NPAS3: variants seen among roughly 807,000 people sequenced by gnomAD.
NPAS3 encodes neuronal PAS domain-containing protein 3.
A neutral mutation model predicts 73.1 loss-of-function variants in NPAS3; 14 were observed. That is an observed-to-expected ratio of 0.19 (90% CI 0.13 to 0.30). NPAS3 has a LOEUF of 0.30. NPAS3 is among the 10% of genes least tolerant of loss of function. The pLI is 1.00. For synonymous variants in NPAS3, 620 were observed against 541.5 expected (o/e 1.14, Z -2.01); for missense variants, 1,096 against 1,250.0 (o/e 0.88, Z 1.86).
At chr14:33,032,350 A>G (rs555844614) in intron 1 of NPAS3, among the ~76,000 whole-genome samples, 11 of 152,348 alleles carry the variant, frequency 7.2e-5, no homozygotes, top group South Asian at 4.1e-4. Flanking sequence ...GAGTAGGTAC[A>G]TGAGAAGACC....
intron 5 of NPAS3, among the ~76,000 whole-genome samples, chr14:33,567,181 C>T (rs752280222): frequency 7.2e-5 from 11 of 152,176 alleles, no homozygotes; most frequent in Admixed American, 5.2e-4. Context: ...CCTGGTGTGG[C>T]ACCCTGAAGC....
intron 3 of NPAS3, among the ~76,000 whole-genome samples, chr14:33,352,766 T>C (rs1308592854): frequency 6.6e-6 from 1 of 152,178 alleles, no homozygotes; most frequent in Non-Finnish European, 1.5e-5. Context: ...GAAGAAATTA[T>C]TTCTAAAAAA....
At chr14:32,970,713 G>C (rs1167299801) in intron 1 of NPAS3, among the ~76,000 whole-genome samples, 2 of 152,196 alleles carry the variant, frequency 1.3e-5, no homozygotes, top group Admixed American at 1.3e-4. Context: ...CTGGAGGTTT[G>C]CTGGCAATCT....
chr14:33,378,741 G>A (rs1293035575), intron 4 of NPAS3, among the ~76,000 whole-genome samples: 1 of 152,170 alleles, frequency 6.6e-6, no homozygotes, highest in Non-Finnish European at 1.5e-5. Flanking sequence ...AGTCAGAAAT[G>A]GGGGAGGAGA....
At chr14:33,580,625 T>G (rs1332435627) in intron 5 of NPAS3, among the ~76,000 whole-genome samples, 1 of 152,120 alleles carries the variant, frequency 6.6e-6, no homozygotes, top group Non-Finnish European at 1.5e-5. Flanking sequence ...CCTCATTTCT[T>G]TACAACTGAG....
chr14:33,561,440 T>C (rs73270904), intron 5 of NPAS3, among the ~76,000 whole-genome samples: 311 of 152,346 alleles, frequency 2.0e-3, no homozygotes, highest in African/African-American at 6.9e-3. Context: ...TTGAAGAACA[T>C]GCAAGCTCTC....
intron 2 of NPAS3, among the ~76,000 whole-genome samples, chr14:33,112,748 A>G (rs907155732): frequency 3.3e-5 from 5 of 152,166 alleles, no homozygotes; most frequent in Non-Finnish European, 7.4e-5. Context: ...GCCCATGCCT[A>G]TGTCCTGAAT....
chr14:33,076,106 A>C (rs1394405233), intron 2 of NPAS3, among the ~76,000 whole-genome samples: 1 of 152,186 alleles, frequency 6.6e-6, no homozygotes, highest in Admixed American at 6.5e-5. Context: ...CCTTTCCCTC[A>C]GCCCTCTCAC....
intron 3 of NPAS3, among the ~76,000 whole-genome samples, chr14:33,318,476 A>G (rs771985627): frequency 6.6e-6 from 1 of 152,114 alleles, no homozygotes; most frequent in African/African-American, 2.4e-5. Context: ...AACAGTTAAG[A>G]TGGTAAATTT....
intron 4 of NPAS3, among the ~76,000 whole-genome samples, chr14:33,539,468 T>G (rs1280578272): frequency 6.6e-6 from 1 of 152,082 alleles, no homozygotes; most frequent in Non-Finnish European, 1.5e-5. Context: ...TGTCTCATTT[T>G]CTGTATACCA....
chr14:33,358,326 T>TA (rs771902190), intron 3 of NPAS3, among the ~76,000 whole-genome samples: 12 of 152,190 alleles, frequency 7.9e-5, no homozygotes, highest in Non-Finnish European at 1.6e-4. Flanking sequence ...ATGTGACTGT[T>TA]ATGCAGTATT....
intron 4 of NPAS3, among the ~76,000 whole-genome samples, chr14:33,448,349 C>A (rs2049617605): frequency 6.6e-6 from 1 of 152,164 alleles, no homozygotes. Context: ...TAACAGATTT[C>A]ATCTCTCTAA....
In NPAS3 at chr14:33,489,161, T is replaced by C. The variant is rs2051764093; in HGVS notation, c.469-70960T>C. Among the ~76,000 whole-genome samples, 4 of 152,336 alleles carry C rather than the reference T, an allele frequency of 2.6e-5. No individual in the cohort carries two copies. In the South Asian group the frequency reaches 8.3e-4, roughly 32 times the overall value. On this transcript the variant is annotated intron_variant, in intron 4 of 11. Coordinates refer to ENST00000356141, the Ensembl canonical transcript of NPAS3. ...GGACTGGAATTACATTTTATTTATT[T>C]TATTTTTAGTGGAATTGAATTTAGT... is the stretch of plus-strand genomic sequence containing the variant.
chr14:33,777,005 T>C (rs958410601), intron 8 of NPAS3, among the ~76,000 whole-genome samples: 9 of 152,198 alleles, frequency 5.9e-5, no homozygotes, highest in African/African-American at 2.2e-4. Context: ...GGCTTTTTCC[T>C]GGGGTTTATT....
chr14:33,351,577 G>A (rs969667151), intron 3 of NPAS3, among the ~76,000 whole-genome samples: 1 of 152,186 alleles, frequency 6.6e-6, no homozygotes, highest in African/African-American at 2.4e-5. Context: ...ATGCACACAT[G>A]CATATACGTG....
intron 5 of NPAS3, among the ~76,000 whole-genome samples, chr14:33,566,383 A>T (rs755846802): frequency 5.9e-5 from 9 of 152,126 alleles, no homozygotes; most frequent in Non-Finnish European, 1.2e-4. Flanking sequence ...TCCTCCCGGC[A>T]GGATCCTTGG....
intron 5 of NPAS3, among the ~76,000 whole-genome samples, chr14:33,625,890 T>A (rs1351684122): frequency 6.6e-6 from 1 of 152,214 alleles, no homozygotes; most frequent in East Asian, 1.9e-4. Flanking sequence ...TTTATAAAAG[T>A]AAACTTTATT....
chr14:33,618,620 A>G (rs1183181814), intron 5 of NPAS3, among the ~76,000 whole-genome samples: 1 of 152,154 alleles, frequency 6.6e-6, no homozygotes, highest in African/African-American at 2.4e-5. Flanking sequence ...CCGATTCCTA[A>G]CAGGCCACGG....
intron 2 of NPAS3, among the ~76,000 whole-genome samples, chr14:33,151,958 T>C (rs1595559081): frequency 1.3e-5 from 2 of 152,310 alleles, no homozygotes; most frequent in East Asian, 3.9e-4. Context: ...ATATTACGTA[T>C]ACATCTTTCA....
Sources: gnomAD v4.1 joint callset for allele counts (sites outside exome capture counted in the v4.1 genomes callset) on GRCh38, gnomAD v4.1.1 for gene constraint, MANE v1.5 for transcripts, NCBI Gene and HGNC (gene_info 2026-07-23, HGNC 2026-07-21) for gene names.